ADGRV1: variants seen among roughly 807,000 people sequenced by gnomAD.
The protein encoded by ADGRV1 is G-protein coupled receptor 98.
In ADGRV1, 359 loss-of-function variants were observed where a neutral mutation model predicts 596.2. The ratio of observed to expected loss-of-function variants is 0.60; its 90% confidence interval spans 0.55 to 0.66. The LOEUF is 0.66. Among genes scored for constraint, ADGRV1 ranks in the 30% least tolerant of loss-of-function variants. The pLI is 0.00. For missense variants in ADGRV1, 7,274 were observed against 7,575.6 expected, an observed-to-expected ratio of 0.96 and a Z score of 1.48; for synonymous variants, 2,681 against 2,679.2, an observed-to-expected ratio of 1.00 and a Z score of -0.02.
In ADGRV1 at chr5:90,642,944, G is replaced by A. The variant is rs182395524; in HGVS notation, c.2456G>A (p.Ser819Asn). Reference sequence around the variant, plus strand: ...CACTACCGAGTAGAGCCAAGAGATAGCAATGAATTCTATGGAAACACGGGA... The same window carrying A: ...CACTACCGAGTAGAGCCAAGAGATAACAATGAATTCTATGGAAACACGGGA... ...FLHYRVEPRD[S>N]NEFYGNTGVL... The change falls in exon 13 of 90, where the codon AGC becomes AAC. Residue 819 changes from serine (S) to asparagine (N), a missense_variant. By Grantham distance (46) the Ser-to-Asn change is conservative. This residue lies in a region of ADGRV1 where 1,715 missense variants were observed against 1,708.8 expected (regional missense o/e 1.00). Coordinates refer to ENST00000405460, the MANE Select transcript of ADGRV1 (RefSeq NM_032119.4). 1.2e-4 allele frequency: 200 copies of A among 1,613,526 alleles called. 1 individual carries two copies. In the Admixed American group the frequency reaches 2.9e-3, roughly 23 times the overall value.
chr5:90,803,446 A>T (rs1014575862), intron 71 of ADGRV1, among the ~76,000 whole-genome samples: 1 of 152,160 alleles, frequency 6.6e-6, no homozygotes, highest in Non-Finnish European at 1.5e-5. Context: ...CAAGGCTGTT[A>T]TCTGTGGCTA....
chr5:91,140,188 T>A (rs898617491), intron 87 of ADGRV1, among the ~76,000 whole-genome samples: 21 of 152,220 alleles, frequency 1.4e-4, no homozygotes, highest in African/African-American at 5.1e-4. Flanking sequence ...TATTTTCACC[T>A]CAAACATGTA....
Position 90,778,985 on chromosome 5 carries a change from T to C in ADGRV1, c.12970T>C (p.Phe4324Leu). ...TGTTCCTGCAGCAGGGGAGCTCCTC[T>C]TTGAAGCAGGGGAGATGAGGAAAAG... is the stretch of plus-strand genomic sequence containing the variant. ...DFVPAAGELL[F>L]EAGEMRKSLH... Residue 4324 changes from phenylalanine to leucine, a missense_variant, in exon 64 of 90, where the codon TTT (phenylalanine) becomes CTT (leucine). Coordinates refer to ENST00000405460, the MANE Select transcript of ADGRV1 (RefSeq NM_032119.4). 6.2e-7 allele frequency: 1 copy of C among 1,613,468 alleles called. No homozygotes were observed. The highest frequency in any genetic ancestry group is 1.7e-4 in the Middle Eastern group (1 of 6,054).
intron 75 of ADGRV1, among the ~76,000 whole-genome samples, chr5:90,821,228 T>C (rs946655883): frequency 2.7e-5 from 4 of 150,452 alleles, no homozygotes; most frequent in African/African-American, 9.7e-5. Context: ...GGCTTCTGCA[T>C]TCTTCACGTA....
At position 90,703,108 on chromosome 5, in the gene ADGRV1, A is replaced by G. The variant is rs145376563; in HGVS notation, c.8156-557A>G. On this transcript the variant is annotated intron_variant, in intron 34 of 89. Transcript: ENST00000405460. ...AGGAAGGATAACTGTAACTTTGGCA[A>G]AGTTACAGATGTTGATGTACAGATT... Among the ~76,000 whole-genome samples, 347 of 152,192 alleles carry G rather than the reference A, an allele frequency of 2.3e-3. 5 individuals carry two copies. The highest frequency in any genetic ancestry group is 8.1e-3 in the African/African-American group (338 of 41,586).
rs1390384848 is a variant in ADGRV1 at position 90,694,029 on chromosome 5, A to G, written c.7273A>G (p.Thr2425Ala). 1 of 1,613,770 alleles carries G rather than the reference A, an allele frequency of 6.2e-7. No homozygotes were observed. The change falls in exon 33 of 90, where the codon ACT (threonine) becomes GCT (alanine). Residue 2425 changes from threonine to alanine, a missense_variant. Physicochemically the swap from Thr to Ala is moderately conservative, Grantham distance 58 (BLOSUM62 0). Coordinates refer to ENST00000405460, the MANE Select transcript of ADGRV1 (RefSeq NM_032119.4). Reference protein sequence around the residue: ...IQGVPDPLWRTWMNVSAVGEP... With the variant: ...IQGVPDPLWRAWMNVSAVGEP... Reference sequence around the variant, plus strand: ...AGGGGTGCCTGACCCACTTTGGAGAACTTGGATGAATGTCTCTGCCGTGGG... The same window carrying G: ...AGGGGTGCCTGACCCACTTTGGAGAGCTTGGATGAATGTCTCTGCCGTGGG...
chr5:90,904,769 G>C (rs1241243334), intron 83 of ADGRV1, among the ~76,000 whole-genome samples: 2 of 151,932 alleles, frequency 1.3e-5, no homozygotes, highest in East Asian at 3.9e-4. Flanking sequence ...TTTTGCTTTG[G>C]TTGAATATGC....
chr5:91,103,235 A>T (rs535059796), intron 87 of ADGRV1, among the ~76,000 whole-genome samples: 1 of 152,140 alleles, frequency 6.6e-6, no homozygotes, highest in Non-Finnish European at 1.5e-5. Flanking sequence ...TTATCAACTT[A>T]GGAAGGGGAA....
intron 83 of ADGRV1, among the ~76,000 whole-genome samples, chr5:90,932,651 T>C (rs1043278924): frequency 6.6e-6 from 1 of 152,178 alleles, no homozygotes; most frequent in African/African-American, 2.4e-5. Context: ...TAAAAACATA[T>C]AGATCTCTAA....
chr5:90,971,863 A>T (rs1465269832), intron 84 of ADGRV1, among the ~76,000 whole-genome samples: 1 of 152,200 alleles, frequency 6.6e-6, no homozygotes, highest in East Asian at 1.9e-4. Context: ...ATTAACCTTA[A>T]ATGTAAATGG....
At position 91,057,255 on chromosome 5, in the gene ADGRV1, G is replaced by A. The variant is rs146284767; in HGVS notation, c.18153-15192G>A. The stretch of plus-strand genomic sequence containing the variant: ...GTTTTTAAATTATTTCCATTTTGTA[G>A]CACATGCAAGATTTATTTGAAGAAA... On this transcript the variant is annotated intron_variant, in intron 85 of 89. Transcript: ENST00000405460. Among the ~76,000 whole-genome samples, 893 of 152,116 alleles carry A rather than the reference G, an allele frequency of 5.9e-3. 10 individuals are homozygous for A. Among genetic ancestry groups the A allele is most frequent in the African/African-American group, 7.4e-3 (305 of 41,478 alleles).
intron 8 of ADGRV1, 38 bp from the exon 9 acceptor site, chr5:90,629,172 A>C: frequency 2.5e-6 from 3 of 1,191,212 alleles, no homozygotes; most frequent in Non-Finnish European, 3.4e-6. Context: ...CTCAGATGCG[A>C]GAATTCTGTA....
At chr5:90,749,745 T>G (rs1193039657) in intron 52 of ADGRV1, among the ~76,000 whole-genome samples, 1 of 152,170 alleles carries the variant, frequency 6.6e-6, no homozygotes, top group Non-Finnish European at 1.5e-5. Context: ...TGAGGAACAG[T>G]TCATGAAATG....
chr5:90,977,781 T>G (rs1216767957), intron 84 of ADGRV1, among the ~76,000 whole-genome samples: 1 of 152,212 alleles, frequency 6.6e-6, no homozygotes, highest in Non-Finnish European at 1.5e-5. Context: ...TACTGCTATC[T>G]ATATTTGACC....
intron 87 of ADGRV1, among the ~76,000 whole-genome samples, chr5:91,114,816 A>G (rs1191190745): frequency 1.3e-5 from 2 of 152,124 alleles, no homozygotes; most frequent in African/African-American, 4.8e-5. Flanking sequence ...CTTTCCTCTC[A>G]TGCACAGGCA....
chr5:90,596,759 C>T (rs927631204), intron 1 of ADGRV1, among the ~76,000 whole-genome samples: 3 of 152,084 alleles, frequency 2.0e-5, no homozygotes, highest in East Asian at 1.9e-4. Flanking sequence ...AGCTTCCGCT[C>T]GGCATCAGAG....
intron 41 of ADGRV1, among the ~76,000 whole-genome samples, chr5:90,711,773 C>T (rs1410715624): frequency 6.6e-6 from 1 of 152,028 alleles, no homozygotes; most frequent in East Asian, 1.9e-4. Flanking sequence ...TTACTTTCTT[C>T]TCTTCCCCTA....
intron 83 of ADGRV1, among the ~76,000 whole-genome samples, chr5:90,879,822 C>A (rs1261989068): frequency 6.6e-6 from 1 of 152,004 alleles, no homozygotes; most frequent in East Asian, 1.9e-4. Context: ...TGGTGCACGC[C>A]TGTAATCCCA....
At chr5:91,031,236 C>T in intron 85 of ADGRV1, 1 of 1,589,902 alleles carries the variant, frequency 6.3e-7, no homozygotes, top group Non-Finnish European at 8.6e-7. Context: ...CTTCAAGGGG[C>T]TCCTCAGGTT....
Sources: allele counts gnomAD v4.1 joint callset (sites outside exome capture counted in the v4.1 genomes callset), GRCh38; gene constraint gnomAD v4.1.1; regional missense constraint gnomAD v4.1.1; transcripts MANE v1.5; gene names NCBI Gene and HGNC (gene_info 2026-07-23, HGNC 2026-07-21).